SHANK2: variants seen among roughly 807,000 people sequenced by gnomAD.
SHANK2 encodes the protein SH3 and multiple ankyrin repeat domains 2.
In SHANK2, 43 loss-of-function variants were observed where a neutral mutation model predicts 133.7. The observed-to-expected ratio is 0.32, with a 90% confidence interval of 0.25 to 0.41. The LOEUF (loss-of-function observed/expected upper bound fraction) is 0.41, where lower values mean the gene tolerates loss of function less well. Among genes scored for constraint, SHANK2 ranks in the 10% least tolerant of loss-of-function variants. The pLI is 1.00. For synonymous variants in SHANK2, 1,017 were observed against 952.8 expected, an observed-to-expected ratio of 1.07 and a Z score of -1.24; for missense variants, 1,994 against 2,235.8, an observed-to-expected ratio of 0.89 and a Z score of 2.18.
At chr11:70,688,697 G>C (rs1211374763) in intron 15 of SHANK2, among the ~76,000 whole-genome samples, 1 of 152,192 alleles carries the variant, frequency 6.6e-6, no homozygotes, top group East Asian at 1.9e-4. Context: ...GGGGCTGGCA[G>C]GTGGAGAGGC....
rs567885232 is a variant in SHANK2 at position 70,502,744 on chromosome 11, C to A, written c.2197+52G>T. 74 of 791,144 alleles carry A rather than the reference C, an allele frequency of 9.4e-5. No individual in the cohort carries two copies. In the South Asian group the frequency reaches 1.2e-3, roughly 12 times the overall value. The allele number at this position is 791,144 out of a possible 1,614,324, so 49.0% of individuals were successfully genotyped here. On this transcript the variant is annotated intron_variant, in intron 18 of 25. Coordinates refer to ENST00000601538, the MANE Select transcript of SHANK2 (RefSeq NM_012309.5). ...CCCAGCTGTCCTGCCCGCCCCCACCCCCCCCCCCCAGTAGGGCCCCAGGCT... is the reference window on the plus strand; with the variant it reads ...CCCAGCTGTCCTGCCCGCCCCCACCACCCCCCCCCAGTAGGGCCCCAGGCT...
intron 2 of SHANK2, among the ~76,000 whole-genome samples, chr11:71,202,417 C>A (rs868907492): frequency 2.0e-5 from 3 of 152,274 alleles, no homozygotes; most frequent in African/African-American, 2.4e-5. Flanking sequence ...GTGACTGAAC[C>A]CATTTCAGAG....
Position 70,646,953 on chromosome 11 carries a change from T to C in SHANK2, c.2061+12875A>G, listed in dbSNP as rs566176128. On this transcript the variant is annotated intron_variant, in intron 17 of 25. Transcript: ENST00000601538. Reference sequence around the variant, plus strand: ...TCGGCTCACTGCAACCTCTGCTTCCTGGGTTCAAGCGGTTCTCCCTGCCTC... The same window carrying C: ...TCGGCTCACTGCAACCTCTGCTTCCCGGGTTCAAGCGGTTCTCCCTGCCTC... Among the ~76,000 whole-genome samples the C allele has an allele frequency of 1.3e-4, 20 of 152,094 alleles. No individual in the cohort carries two copies. The South Asian group carries it at 4.2e-3, about 32-fold the overall frequency.
chr11:71,158,641 G>C (rs1324629329), intron 2 of SHANK2, among the ~76,000 whole-genome samples: 1 of 152,192 alleles, frequency 6.6e-6, no homozygotes. Context: ...AAAGAAGATG[G>C]AGAGCCACAT....
At chr11:71,168,284 ACTC>A (rs1953226489) in intron 2 of SHANK2, among the ~76,000 whole-genome samples, 1 of 71,482 alleles carries the variant, frequency 1.4e-5, no homozygotes, top group African/African-American at 6.7e-5. Context: ...GGGAAGAGGC[ACTC>A]CTCACTTCCT....
chr11:70,939,277 C>T (rs957114523), intron 10 of SHANK2, among the ~76,000 whole-genome samples: 20 of 152,072 alleles, frequency 1.3e-4, no homozygotes, highest in African/African-American at 4.8e-4. Context: ...GAGTTTGAGA[C>T]CAGCCTGACC....
At chr11:70,778,206 C>T (rs1947406091) in intron 14 of SHANK2, among the ~76,000 whole-genome samples, 1 of 152,214 alleles carries the variant, frequency 6.6e-6, no homozygotes, top group Admixed American at 6.5e-5. Flanking sequence ...CCAGGTCAAA[C>T]CCCCAGAACA....
chr11:70,642,581 A>G (rs1555006753), intron 17 of SHANK2, among the ~76,000 whole-genome samples: 1 of 152,200 alleles, frequency 6.6e-6, no homozygotes, highest in Non-Finnish European at 1.5e-5. Flanking sequence ...TGTCCACGCT[A>G]GCTGGGTGCT....
chr11:70,927,403 C>T (rs922662924), intron 10 of SHANK2, among the ~76,000 whole-genome samples: 1 of 151,998 alleles, frequency 6.6e-6, no homozygotes, highest in Non-Finnish European at 1.5e-5. Context: ...ACTTGAGAGC[C>T]GTTGGAAGCA....
rs1029959314 is a variant in SHANK2, at chr11:71,196,164, G to A, written c.-13+28533C>T. 2.8e-4 allele frequency among the ~76,000 whole-genome samples: 43 copies of A among 152,020 alleles called. 1 individual carries two copies. Among genetic ancestry groups the A allele is most frequent in the Admixed American group, 2.6e-3 (40 of 15,260 alleles). On this transcript the variant is annotated intron_variant, in intron 2 of 25. Coordinates refer to ENST00000601538, the MANE Select transcript of SHANK2 (RefSeq NM_012309.5). ...TGATCACACCACTGCACTCCAACCT[G>A]GGCAATAGAGCAAGACCCTGTCTCA...
chr11:70,532,765 C>A (rs1469132179), intron 17 of SHANK2, among the ~76,000 whole-genome samples: 1 of 152,182 alleles, frequency 6.6e-6, no homozygotes, highest in African/African-American at 2.4e-5. Context: ...CTACTTATAA[C>A]CCCAGAATAA....
chr11:70,701,781 C>T (rs1331636034), intron 14 of SHANK2, among the ~76,000 whole-genome samples: 1 of 152,168 alleles, frequency 6.6e-6, no homozygotes, highest in Non-Finnish European at 1.5e-5. Flanking sequence ...TTCCCTGTCT[C>T]CTGGTTCCCA....
intron 14 of SHANK2, among the ~76,000 whole-genome samples, chr11:70,767,291 G>C (rs1947142394): frequency 6.6e-6 from 1 of 152,206 alleles, no homozygotes; most frequent in African/African-American, 2.4e-5. Flanking sequence ...AAGTTTGGCG[G>C]TTTTTCGAAA....
chr11:70,935,466 G>A (rs576696267), intron 10 of SHANK2, among the ~76,000 whole-genome samples: 1 of 152,254 alleles, frequency 6.6e-6, no homozygotes, highest in Admixed American at 6.5e-5. Context: ...GAGAGTGACA[G>A]CCAAGCAGAC....
chr11:71,172,085 C>T lies in SHANK2; in HGVS notation c.-12-24747G>A, dbSNP rs569540272. On this transcript the variant is annotated intron_variant, in intron 2 of 25. Coordinates refer to ENST00000601538, the MANE Select transcript of SHANK2 (RefSeq NM_012309.5). ...GAACAAGGTGGCAGACTTCATCACT[C>T]AGCCCCATCCGTGGCACACTGACCA... Among the ~76,000 whole-genome samples, 85 of 152,286 alleles carry T rather than the reference C, an allele frequency of 5.6e-4. 1 individual carries two copies. The South Asian group carries it at 0.017, about 31-fold the overall frequency.
In SHANK2 at chr11:71,167,710, G is replaced by A. The variant is rs541723501; in HGVS notation, c.-12-20372C>T. 2.7e-3 allele frequency among the ~76,000 whole-genome samples: 374 copies of A among 138,570 alleles called. 2 individuals are homozygous for A. The highest frequency in any genetic ancestry group is 0.01 in the African/African-American group (364 of 36,330). 90.9% of individuals were successfully genotyped at this position (138,570 alleles called of 152,430 possible). A position where few individuals can be genotyped will look rare whatever the true frequency, so the allele number is the denominator to read the frequency against. On this transcript the variant is annotated intron_variant, in intron 2 of 25. Transcript: ENST00000601538. ...CCTCCTGGACGGAGCGGCTGGCCGGGCAGAGGGGCTCCTCACTTCCCAGTA... is the reference window on the plus strand; with the variant it reads ...CCTCCTGGACGGAGCGGCTGGCCGGACAGAGGGGCTCCTCACTTCCCAGTA...
intron 10 of SHANK2, among the ~76,000 whole-genome samples, chr11:70,951,277 C>T (rs554171822): frequency 1.1e-4 from 17 of 151,146 alleles, no homozygotes; most frequent in African/African-American, 1.5e-4. Context: ...GTCATAAATT[C>T]GTTTCCCCTG....
chr11:71,190,484 A>G (rs1591003922), intron 2 of SHANK2, among the ~76,000 whole-genome samples: 1 of 152,038 alleles, frequency 6.6e-6, no homozygotes, highest in East Asian at 1.9e-4. Context: ...CGTCTATACC[A>G]CTTCTCAGAA....
chr11:70,545,355 C>T (rs576207228), intron 17 of SHANK2, among the ~76,000 whole-genome samples: 1 of 152,368 alleles, frequency 6.6e-6, no homozygotes, highest in African/African-American at 2.4e-5. Context: ...TGACTCACTG[C>T]AGCCTTTGCT....
Sources: gnomAD v4.1 joint callset for allele counts (sites outside exome capture counted in the v4.1 genomes callset) on GRCh38, gnomAD v4.1.1 for gene constraint, MANE v1.5 for transcripts, NCBI Gene and HGNC (gene_info 2026-07-23, HGNC 2026-07-21) for gene names.